The following YTHDC1 variants were observed in gnomAD, a reference collection of about 807,000 sequenced individuals.
YTHDC1 encodes the protein YTH domain-containing protein 1.
YTHDC1 carries 12 observed loss-of-function variants against 107.0 expected under a neutral mutation model. The observed-to-expected ratio is 0.11, with a 90% CI of 0.07 to 0.18. The LOEUF (loss-of-function observed/expected upper bound fraction) is 0.18, where lower values mean the gene tolerates loss of function less well. Ranked by LOEUF, YTHDC1 falls within the 10% of genes least tolerant of loss-of-function variation. The pLI, the probability that YTHDC1 is intolerant of heterozygous loss-of-function variation, is 1.00. For missense variants in YTHDC1, 635 were observed against 898.8 expected, an observed-to-expected ratio of 0.71 and a Z score of 3.75; for synonymous variants, 280 against 289.5, an observed-to-expected ratio of 0.97 and a Z score of 0.33.
At chr4:68,329,951 CTGGTAGTGTA>C in intron 9 of YTHDC1, 41 bp downstream of exon 9, 2 of 1,335,988 alleles carry the variant, frequency 1.5e-6, no homozygotes, top group Non-Finnish European at 2.2e-6. Flanking sequence ...TTATTCTAAA[CTGGTAGTGTA>C]TTCAAAATTT....
chr4:68,344,610 C>CTA (rs1725215002), intron 1 of YTHDC1, among the ~76,000 whole-genome samples: 1 of 152,162 alleles, frequency 6.6e-6, no homozygotes, highest in East Asian at 1.9e-4. Context: ...CCACAGTTGG[C>CTA]TGCTAGATTC....
intron 5 of YTHDC1, 88 bp downstream of exon 5, chr4:68,333,220 C>A: frequency 4.1e-6 from 4 of 975,044 alleles, no homozygotes; most frequent in Non-Finnish European, 6.2e-6. Context: ...TGGACATCAA[C>A]AAGTTCACAC....
chr4:68,316,644 C>T (rs1052516343), intron 15 of YTHDC1, among the ~76,000 whole-genome samples, 196 bp from the exon 16 acceptor site: 7 of 152,164 alleles, frequency 4.6e-5, no homozygotes, highest in Non-Finnish European at 8.8e-5. Flanking sequence ...CATGTTTATG[C>T]TTTTCTACTC....
chr4:68,325,045 A>C (rs1578033271), intron 9 of YTHDC1, among the ~76,000 whole-genome samples: 1 of 152,346 alleles, frequency 6.6e-6, no homozygotes, highest in East Asian at 1.9e-4. Context: ...CTATTTGATA[A>C]GGTTTTATCT....
chr4:68,329,771 A>G (rs1224922645), intron 9 of YTHDC1, among the ~76,000 whole-genome samples: 1 of 152,186 alleles, frequency 6.6e-6, no homozygotes, highest in African/African-American at 2.4e-5. Flanking sequence ...TACGCCAGAC[A>G]ACATTTCAAG....
Position 68,322,165 on chromosome 4 carries a change from C to T in YTHDC1, c.1601+584G>A, listed in dbSNP as rs183895541. Among the ~76,000 whole-genome samples, 1 of 152,250 alleles carries T rather than the reference C, an allele frequency of 6.6e-6. No individual in the cohort carries two copies. The highest frequency in any genetic ancestry group is 1.5e-5 in the Non-Finnish European group (1 of 68,010). ...GCAAGATGTGTGAATTCACTGGGTACATGTTAGAGAATATTTGGCAATAGG... is the reference window on the plus strand; with the variant it reads ...GCAAGATGTGTGAATTCACTGGGTATATGTTAGAGAATATTTGGCAATAGG... On this transcript the variant is annotated intron_variant, in intron 11 of 16. Coordinates refer to ENST00000344157, the MANE Select transcript of YTHDC1 (RefSeq NM_001031732.4). This position sits in a 1 kb window ranked among gnomAD's most constrained non-coding sequence, Gnocchi z 4.8.
intron 16 of YTHDC1, 133 bp from the exon 17 acceptor site, chr4:68,314,456 C>T (rs576749299): frequency 1.7e-5 from 12 of 702,064 alleles, no homozygotes; most frequent in Admixed American, 3.5e-5. Context: ...TTATAATCGG[C>T]GGAGAGAACA....
At chr4:68,336,401 G>A (rs1297733440) in intron 4 of YTHDC1, among the ~76,000 whole-genome samples, 1 of 152,042 alleles carries the variant, frequency 6.6e-6, no homozygotes, top group African/African-American at 2.4e-5. Context: ...GGTATAGAGA[G>A]GCAGGATATA....
In YTHDC1 at chr4:68,324,057, G is replaced by T. The variant is rs185472228; in HGVS notation, c.1434+82C>A. The T allele has an allele frequency of 2.7e-5, 34 of 1,259,144 alleles. No individual in the cohort carries two copies. The African/African-American group carries it at 4.4e-4, about 16-fold the overall frequency. The allele number at this position is 1,259,144 out of a possible 1,614,324, so 78.0% of individuals were successfully genotyped here. On this transcript the variant is annotated intron_variant, in intron 10 of 16. Transcript: ENST00000344157. ...TCACGTGGTCTCTTTCATCAGAAAC[G>T]GTTAAAACGAATACATCAATAAAGA...
rs1721520318 is a variant in YTHDC1, at chr4:68,313,896, C to T, written c.*203G>A. 6.6e-6 allele frequency: 4 copies of T among 606,278 alleles called. No individual in the cohort carries two copies. The Admixed American group carries it at 1.2e-4, about 18-fold the overall frequency. 37.6% of individuals were successfully genotyped at this position (606,278 alleles called of 1,614,324 possible). A position where few individuals can be genotyped will look rare whatever the true frequency, so the allele number is the denominator to read the frequency against. On this transcript the variant is annotated 3_prime_UTR_variant, in exon 17 of 17. Coordinates refer to ENST00000344157, the MANE Select transcript of YTHDC1 (RefSeq NM_001031732.4). The stretch of plus-strand genomic sequence containing the variant: ...CCAATAAAAGTGTCAATTCAACTGT[C>T]AGCTGTGGATTTTTGGCGGATTTGA...
chr4:68,314,337 G>A lies in YTHDC1; in HGVS notation c.1960-14C>T, dbSNP rs1382359514. On this transcript the variant is annotated splice_polypyrimidine_tract_variant and intron_variant, in intron 16 of 16. Coordinates refer to ENST00000344157, the MANE Select transcript of YTHDC1 (RefSeq NM_001031732.4). Reference sequence around the variant, plus strand: ...ATCATAATCATGCTAGAAAAGGAAAGAAATGTGTTAGGTATGTCAAAAAGG... The same window carrying A: ...ATCATAATCATGCTAGAAAAGGAAAAAAATGTGTTAGGTATGTCAAAAAGG... The A allele has an allele frequency of 6.2e-7, 1 of 1,613,398 alleles. No homozygotes were observed. Among genetic ancestry groups the A allele is most frequent in the South Asian group, 1.1e-5 (1 of 91,052 alleles).
chr4:68,325,811 T>C (rs562760979), intron 9 of YTHDC1, among the ~76,000 whole-genome samples: 3 of 152,264 alleles, frequency 2.0e-5, no homozygotes, highest in African/African-American at 7.2e-5. Context: ...GATATATATA[T>C]ACATGGAAGA....
intron 16 of YTHDC1, among the ~76,000 whole-genome samples, chr4:68,315,319 A>ACTATC (rs1560468901): frequency 6.6e-6 from 1 of 152,238 alleles, no homozygotes. Context: ...AGAGAAAATT[A>ACTATC]CTATCTTTAT....
Position 68,312,244 on chromosome 4 carries a change from CCTCT to C in YTHDC1, c.*1851_*1854del, listed in dbSNP as rs1721365344. On this transcript the variant is annotated 3_prime_UTR_variant, in exon 17 of 17. Coordinates refer to ENST00000344157, the MANE Select transcript of YTHDC1 (RefSeq NM_001031732.4). ...TTCTAATCTTGGGCAAGTTTACTAG[CCTCT>C]CTGAGCCCATTTAAATGAGTCTGTA... The C allele has an allele frequency of 2.0e-5, 3 of 152,312 alleles. No homozygotes were observed. The highest frequency in any genetic ancestry group is 4.1e-4 in the South Asian group (2 of 4,826). The allele number at this position is 152,312 out of a possible 1,614,324, so 9.4% of individuals were successfully genotyped here.
chr4:68,343,085 G>A (rs1725026700), intron 1 of YTHDC1, among the ~76,000 whole-genome samples: 1 of 152,142 alleles, frequency 6.6e-6, no homozygotes, highest in Non-Finnish European at 1.5e-5. Context: ...AGGCCTATAA[G>A]CATACAATTC....
rs549559152 is a variant in YTHDC1 at position 68,333,692 on chromosome 4, G to T, written c.884-295C>A. ...GCCTTGAATACAGTTTTCCAAGCGGGGGGGGAAATTTGCAAAGCAAAAACA... is the reference window on the plus strand; with the variant it reads ...GCCTTGAATACAGTTTTCCAAGCGGTGGGGGAAATTTGCAAAGCAAAAACA... On this transcript the variant is annotated intron_variant, in intron 4 of 16. Transcript: ENST00000344157. Among the ~76,000 whole-genome samples, 5 of 152,144 alleles carry T rather than the reference G, an allele frequency of 3.3e-5. No homozygotes were observed. The South Asian group carries it at 6.2e-4, about 19-fold the overall frequency.
Position 68,349,729 on chromosome 4 carries a change from T to C in YTHDC1, c.25A>G (p.Lys9Glu), listed in dbSNP as rs1725882409. The C allele has an allele frequency of 6.2e-7, 1 of 1,608,602 alleles. No individual in the cohort carries two copies. The highest frequency in any genetic ancestry group is 8.5e-7 in the Non-Finnish European group (1 of 1,178,328). ...CGTCATCTTTCTCCGCACTAACCTT[T>C]CTCCTCCCGACTGTCAGCCGCCATG... is the stretch of plus-strand genomic sequence containing the variant. MAADSREEKDGELNVLDDI... is the reference protein window; with the variant it reads MAADSREEEDGELNVLDDI... The change falls in exon 1 of 17, where the codon AAA becomes GAA. Residue 9 changes from lysine to glutamate, a missense_variant. This residue lies in a region of YTHDC1 where 21 missense variants were observed against 21.4 expected (regional missense o/e 0.98). Coordinates refer to ENST00000344157, the MANE Select transcript of YTHDC1 (RefSeq NM_001031732.4).
At chr4:68,329,755 T>C (rs1311195198) in intron 9 of YTHDC1, among the ~76,000 whole-genome samples, 2 of 152,212 alleles carry the variant, frequency 1.3e-5, no homozygotes, top group Non-Finnish European at 2.9e-5. Flanking sequence ...ACTAAAATTA[T>C]ACAGATACGC....
rs1161648478 is a variant in YTHDC1 at position 68,337,326 on chromosome 4, C to G, written c.584G>C (p.Gly195Ala). ...TTCCTCCTCATTCTCAGTGTTGTTCCCTTGCTCATCAGAAGAACCACTGCT... is the reference window on the plus strand; with the variant it reads ...TTCCTCCTCATTCTCAGTGTTGTTCGCTTGCTCATCAGAAGAACCACTGCT... ...TGSSGSSDEQGNNTENEEEGV... is the reference protein window; with the variant it reads ...TGSSGSSDEQANNTENEEEGV... The change falls in exon 4 of 17, where the codon GGG (glycine) becomes GCG (alanine). Residue 195 changes from glycine to alanine, a missense_variant. Coordinates refer to ENST00000344157, the MANE Select transcript of YTHDC1 (RefSeq NM_001031732.4). 6.2e-7 allele frequency: 1 copy of G among 1,614,002 alleles called. No individual in the cohort carries two copies. The highest frequency in any genetic ancestry group is 1.7e-5 in the Admixed American group (1 of 59,970).
Sources: gnomAD v4.1 joint callset for allele counts (sites outside exome capture counted in the v4.1 genomes callset) on GRCh38, gnomAD v4.1.1 for gene constraint, gnomAD v4.1.1 regional missense constraint, Gnocchi (gnomAD v3.1) non-coding constraint, MANE v1.5 for transcripts, NCBI Gene and HGNC (gene_info 2026-07-23, HGNC 2026-07-21) for gene names.